The following TMX2 variants were observed in gnomAD, a reference collection of about 807,000 sequenced individuals.
The protein encoded by TMX2 is thioredoxin-related transmembrane protein 2.
TMX2 carries 20 observed loss-of-function variants against 33.4 expected under a neutral mutation model. The observed-to-expected ratio is 0.60, with a 90% confidence interval of 0.42 to 0.87. The LOEUF (loss-of-function observed/expected upper bound fraction) is 0.87. TMX2 is among the 40% of genes least tolerant of loss of function. The pLI, the probability that TMX2 is intolerant of heterozygous loss-of-function variation, is 0.00. For missense variants in TMX2, 340 were observed against 370.7 expected, an observed-to-expected ratio of 0.92 and a Z score of 0.68; for synonymous variants, 166 against 140.7, an observed-to-expected ratio of 1.18 and a Z score of -1.27.
In TMX2 at chr11:57,738,394, T is replaced by G; in HGVS notation, c.405T>G (p.Pro135=). The G allele has an allele frequency of 1.2e-6, 2 of 1,610,626 alleles. No individual in the cohort carries two copies. Among genetic ancestry groups the G allele is most frequent in the South Asian group, 1.1e-5 (1 of 90,982 alleles). Residue 135 remains proline (P), a synonymous_variant, in exon 4 of 8, where the codon CCT becomes CCG. Transcript: ENST00000278422. ...GCAAACCCCCCCTATATATGGGCCC[T>G]GAGTATATCAAGTACTTCAATGATA... ...MTCKPPLYMG[P]EYIKYFNDKT...
At chr11:57,718,142 C>G in intron 1 of TMX2, 1 of 1,206,566 alleles carries the variant, frequency 8.3e-7, no homozygotes, top group Non-Finnish European at 1.2e-6. Flanking sequence ...CTTCTTTCAC[C>G]TTGCCAAAGA....
rs1565237878 is a variant in TMX2, at chr11:57,740,565, ACT to A, written c.*323_*324del. ...GACATCTCCATGGTTTCTCCATGAA[ACT>A]CTGTGGTTTCATCATTCCTTCTTAG... On this transcript the variant is annotated 3_prime_UTR_variant, in exon 8 of 8. Coordinates refer to ENST00000278422, the MANE Select transcript of TMX2 (RefSeq NM_015959.4). 2.3e-5 allele frequency: 5 copies of A among 221,192 alleles called. No individual in the cohort carries two copies. Among genetic ancestry groups the A allele is most frequent in the Admixed American group, 5.1e-5 (1 of 19,592 alleles). 13.7% of individuals were successfully genotyped at this position (221,192 alleles called of 1,614,324 possible). A position where few individuals can be genotyped will look rare whatever the true frequency, so the allele number is the denominator to read the frequency against.
intron 1 of TMX2, among the ~76,000 whole-genome samples, chr11:57,723,227 C>T (rs1442101438): frequency 6.6e-6 from 1 of 152,212 alleles, no homozygotes; most frequent in African/African-American, 2.4e-5. Context: ...CGCCTGTAAT[C>T]CCAGCACTTT....
At chr11:57,738,270 G>A (rs1015113902) in intron 3 of TMX2, 84 bp from the exon 4 acceptor site, 3 of 1,006,820 alleles carry the variant, frequency 3.0e-6, no homozygotes, top group African/African-American at 3.2e-5. Flanking sequence ...TTATTTGGGG[G>A]CTGAAATCCT....
chr11:57,723,757 C>T (rs937909726), intron 1 of TMX2, among the ~76,000 whole-genome samples: 11 of 150,410 alleles, frequency 7.3e-5, no homozygotes, highest in South Asian at 2.1e-4. Flanking sequence ...GAGCTGTGAT[C>T]ACACCACTGC....
In TMX2 at chr11:57,738,678, G is replaced by T. The variant is rs369038102; in HGVS notation, c.456G>T (p.Arg152=). The T allele has an allele frequency of 1.4e-5, 22 of 1,613,694 alleles. No individual in the cohort carries two copies. The African/African-American group carries it at 2.9e-4, about 22-fold the overall frequency. The part of the protein sequence containing the change: ...NDKTIDEELE[R]DKRVTWIVEF... ...GTATTTGGCAGGAGGAACTAGAACGGGACAAGAGGGTCACTTGGATTGTGG... is the reference window on the plus strand; with the variant it reads ...GTATTTGGCAGGAGGAACTAGAACGTGACAAGAGGGTCACTTGGATTGTGG... The change falls in exon 5 of 8, where the codon CGG becomes CGT. Residue 152 remains arginine, a synonymous_variant. Coordinates refer to ENST00000278422, the MANE Select transcript of TMX2 (RefSeq NM_015959.4).
At chr11:57,720,925 T>G (rs1947586110) in intron 1 of TMX2, among the ~76,000 whole-genome samples, 1 of 152,194 alleles carries the variant, frequency 6.6e-6, no homozygotes, top group South Asian at 2.1e-4. Context: ...GAATCTGATT[T>G]CTGTCTTTTA....
intron 1 of TMX2, among the ~76,000 whole-genome samples, chr11:57,716,337 CGGGGGGCTG>C (rs1947028628): frequency 6.4e-5 from 7 of 108,894 alleles, no homozygotes; most frequent in East Asian, 5.5e-4. Context: ...GCTGGCCGGG[CGGGGGGCTG>C]ACCCCCACAC....
intron 1 of TMX2, among the ~76,000 whole-genome samples, chr11:57,730,454 A>C (rs1157325806): frequency 1.3e-5 from 1 of 74,680 alleles, no homozygotes; most frequent in East Asian, 4.6e-4. Context: ...AAAAAAAAAA[A>C]GGCCAGGCAT....
At chr11:57,727,932 C>A (rs1371503398) in intron 1 of TMX2, among the ~76,000 whole-genome samples, 1 of 152,188 alleles carries the variant, frequency 6.6e-6, no homozygotes, top group African/African-American at 2.4e-5. Context: ...AATTGTCTGC[C>A]AGAAAATGTT....
intron 1 of TMX2, among the ~76,000 whole-genome samples, chr11:57,718,802 C>T (rs1947355616): frequency 2.0e-5 from 3 of 150,482 alleles, no homozygotes; most frequent in African/African-American, 7.3e-5. Flanking sequence ...ACTACAGGTG[C>T]CTGCCACCAC....
chr11:57,717,014 C>A (rs1438233521), intron 1 of TMX2, among the ~76,000 whole-genome samples: 1 of 150,628 alleles, frequency 6.6e-6, no homozygotes, highest in Non-Finnish European at 1.5e-5. Flanking sequence ...ACACTCCTCA[C>A]CTCCCAGACG....
chr11:57,738,683 A>G lies in TMX2; in HGVS notation c.461A>G (p.Lys154Arg), dbSNP rs1948900470. The G allele has an allele frequency of 1.2e-6, 2 of 1,613,814 alleles. No homozygotes were observed. Among genetic ancestry groups the G allele is most frequent in the South Asian group, 1.1e-5 (1 of 91,068 alleles). ...TGGCAGGAGGAACTAGAACGGGACA[A>G]GAGGGTCACTTGGATTGTGGAGTTC... ...KTIDEELERD[K>R]RVTWIVEFFA... Residue 154 changes from lysine to arginine, a missense_variant, in exon 5 of 8, where the codon AAG becomes AGG. Transcript: ENST00000278422.
chr11:57,716,418 CGGGGCGGCTGGCCGGGCGGGGGGCTG>C (rs1947045408), intron 1 of TMX2, among the ~76,000 whole-genome samples: 1 of 130,396 alleles, frequency 7.7e-6, no homozygotes, highest in African/African-American at 2.8e-5. Flanking sequence ...CCCTCCCGGA[CGGGGCGGCTGGCCGGGCGGGGGGCTG>C]ACCCCCCCAC....
intron 1 of TMX2, among the ~76,000 whole-genome samples, chr11:57,732,188 G>C (rs769322450): frequency 1.9e-4 from 29 of 152,224 alleles, no homozygotes; most frequent in Non-Finnish European, 3.2e-4. Context: ...CCTTTTGTCA[G>C]CTCATTTTCA....
rs375347588 is a variant in TMX2 at position 57,740,270 on chromosome 11, T to C, written c.*25T>C. 1 of 1,555,724 alleles carries C rather than the reference T, an allele frequency of 6.4e-7. No individual in the cohort carries two copies. On this transcript the variant is annotated 3_prime_UTR_variant, in exon 8 of 8. Coordinates refer to ENST00000278422, the MANE Select transcript of TMX2 (RefSeq NM_015959.4). ...AGATCCTCACTTTGGCAGTGCTTCC[T>C]CTCCTGTCAATTCCAGGCTCTTTCC...
chr11:57,726,693 G>T (rs1320826193), intron 1 of TMX2, among the ~76,000 whole-genome samples: 2 of 152,158 alleles, frequency 1.3e-5, no homozygotes, highest in Non-Finnish European at 2.9e-5. Context: ...TACAAAAGTT[G>T]TGGGAAAAAT....
intron 1 of TMX2, among the ~76,000 whole-genome samples, chr11:57,728,948 C>T (rs1354275722): frequency 3.3e-5 from 5 of 152,018 alleles, no homozygotes; most frequent in African/African-American, 1.2e-4. Context: ...GGGCTGATCA[C>T]CCAGCGTTTT....
rs1015301949 is a variant in TMX2 at position 57,739,182 on chromosome 11, G to A, written c.666G>A (p.Leu222=). The change falls in exon 7 of 8, where the codon CTG becomes CTA. Residue 222 remains leucine, a synonymous_variant. Coordinates refer to ENST00000278422, the MANE Select transcript of TMX2 (RefSeq NM_015959.4). ...PLTKQLPTLI[L]FQGGKEAMRR... is the part of the protein sequence containing the mutation. ...CCAAGCAACTCCCTACCCTGATCCT[G>A]TTCCAAGGTGGCAAGGAGGCAATGC... The A allele has an allele frequency of 6.2e-7, 1 of 1,614,100 alleles. No homozygotes were observed. Among genetic ancestry groups the A allele is most frequent in the East Asian group, 2.2e-5 (1 of 44,864 alleles).
Sources: allele counts gnomAD v4.1 joint callset (sites outside exome capture counted in the v4.1 genomes callset), GRCh38; gene constraint gnomAD v4.1.1; transcripts MANE v1.5; gene names NCBI Gene and HGNC (gene_info 2026-07-23, HGNC 2026-07-21).